The following GRK5 variants were observed in gnomAD, a reference collection of about 807,000 sequenced individuals.
GRK5 encodes the protein G protein-coupled receptor kinase 5, also known as g protein-coupled receptor kinase GRK5.
Under a neutral mutation model 78.4 loss-of-function variants are expected in GRK5, and 40 were observed. That is an observed-to-expected ratio of 0.51 (90% CI 0.40 to 0.66). GRK5 has a LOEUF of 0.66. Ranked by LOEUF, GRK5 falls within the 30% of genes least tolerant of loss-of-function variation. GRK5 has a pLI of 0.00. For synonymous variants in GRK5, 289 were observed against 296.8 expected (o/e 0.97, Z 0.27); for missense variants, 598 against 759.9 (o/e 0.79, Z 2.50).
At chr10:119,345,832 CTT>C (rs60190959) in intron 2 of GRK5, among the ~76,000 whole-genome samples, 68 of 145,736 alleles carry the variant, frequency 4.7e-4, no homozygotes, top group East Asian at 8.0e-4. Flanking sequence ...AGCTGTTTGA[CTT>C]TTTTTTTTTT....
chr10:119,261,318 G>A lies in GRK5; in HGVS notation c.52+53349G>A, dbSNP rs553009979. ...CCAGACAGGGCGGCGGGGCAGAGAC[G>A]CTCCTCACTTCCTAGATGGGATGGC... On this transcript the variant is annotated intron_variant, in intron 1 of 15. Transcript: ENST00000392870. Among the ~76,000 whole-genome samples, 375 of 148,712 alleles carry A rather than the reference G, an allele frequency of 2.5e-3. 1 individual carries two copies. Among genetic ancestry groups the A allele is most frequent in the Middle Eastern group, 0.011 (3 of 284 alleles).
chr10:119,325,718 G>A (rs1318407468), intron 1 of GRK5, among the ~76,000 whole-genome samples: 2 of 152,184 alleles, frequency 1.3e-5, no homozygotes, highest in Non-Finnish European at 2.9e-5. Flanking sequence ...TCACCCCATC[G>A]CTGTTTGCGC....
chr10:119,433,537 T>A (rs764926186), intron 8 of GRK5, among the ~76,000 whole-genome samples: 1 of 152,116 alleles, frequency 6.6e-6, no homozygotes, highest in African/African-American at 2.4e-5. Flanking sequence ...CCTGGGCAGA[T>A]GTGGGAGAAA....
chr10:119,224,478 G>A (rs998874369), intron 1 of GRK5, among the ~76,000 whole-genome samples: 7 of 151,916 alleles, frequency 4.6e-5, no homozygotes, highest in Non-Finnish European at 7.4e-5. Context: ...GCACGATCTC[G>A]GCTCACTGCA....
chr10:119,426,397 C>T (rs1852677354), intron 6 of GRK5, among the ~76,000 whole-genome samples: 1 of 152,090 alleles, frequency 6.6e-6, no homozygotes, highest in African/African-American at 2.4e-5. Context: ...AAGGATTGGC[C>T]TAGACATCTA....
Position 119,234,356 on chromosome 10 carries a change from A to G in GRK5, c.52+26387A>G, listed in dbSNP as rs561531181. 2.0e-5 allele frequency among the ~76,000 whole-genome samples: 3 copies of G among 152,356 alleles called. No individual in the cohort carries two copies. The South Asian group carries it at 6.2e-4, about 32-fold the overall frequency. ...GTTGACAAAAAATATTACTAAAAGT[A>G]GTTCATTCTTACTCTACATGTCTTA... On this transcript the variant is annotated intron_variant, in intron 1 of 15. Coordinates refer to ENST00000392870, the MANE Select transcript of GRK5 (RefSeq NM_005308.3).
At chr10:119,270,511 T>C (rs1342374307) in intron 1 of GRK5, among the ~76,000 whole-genome samples, 1 of 152,226 alleles carries the variant, frequency 6.6e-6, no homozygotes, top group Non-Finnish European at 1.5e-5. Flanking sequence ...TACTACACCA[T>C]TTTATATCAG....
At chr10:119,370,659 C>T (rs930311555) in intron 2 of GRK5, among the ~76,000 whole-genome samples, 6 of 152,156 alleles carry the variant, frequency 3.9e-5, no homozygotes, top group African/African-American at 9.7e-5. Flanking sequence ...GCTTTTTCCT[C>T]GGAGCAAACG....
rs1852159033 is a variant in GRK5, at chr10:119,401,957, C to G, written c.339+5185C>G. On this transcript the variant is annotated intron_variant, in intron 4 of 15. Transcript: ENST00000392870. ...TCATCTGGTTAGGTCATCAGCTCTT[C>G]TGGGTCCTCCCTGGGTGACTCAGGG... Among the ~76,000 whole-genome samples the G allele has an allele frequency of 2.0e-5, 3 of 152,346 alleles. No homozygotes were observed. In the East Asian group the frequency reaches 5.8e-4, roughly 29 times the overall value.
At chr10:119,438,344 C>T (rs1046392521) in intron 9 of GRK5, among the ~76,000 whole-genome samples, 3 of 152,160 alleles carry the variant, frequency 2.0e-5, no homozygotes, top group Non-Finnish European at 2.9e-5. Context: ...CTTCAAACTG[C>T]GGACAGGAGG....
intron 1 of GRK5, among the ~76,000 whole-genome samples, chr10:119,256,615 C>T (rs1849290778): frequency 6.7e-6 from 1 of 149,064 alleles, no homozygotes; most frequent in Non-Finnish European, 1.5e-5. Flanking sequence ...CCCCACCCTT[C>T]ACCCCTATTG....
chr10:119,315,595 G>A (rs928593114), intron 1 of GRK5, among the ~76,000 whole-genome samples: 1 of 152,204 alleles, frequency 6.6e-6, no homozygotes, highest in Non-Finnish European at 1.5e-5. Flanking sequence ...GCCTCCCCAC[G>A]GTGATATTTT....
chr10:119,444,672 G>A (rs551709956), intron 12 of GRK5, among the ~76,000 whole-genome samples: 1 of 152,236 alleles, frequency 6.6e-6, no homozygotes, highest in African/African-American at 2.4e-5. Context: ...CTCCACAATT[G>A]CCAGCCCACA....
chr10:119,376,905 G>A (rs1323834813), intron 2 of GRK5, among the ~76,000 whole-genome samples: 1 of 152,158 alleles, frequency 6.6e-6, no homozygotes, highest in Non-Finnish European at 1.5e-5. Context: ...GCCTCTTTCT[G>A]GCTTGGAGGA....
At chr10:119,287,993 C>T (rs1449505538) in intron 1 of GRK5, among the ~76,000 whole-genome samples, 1 of 152,212 alleles carries the variant, frequency 6.6e-6, no homozygotes, top group Admixed American at 6.5e-5. Flanking sequence ...GCTTTTAGTT[C>T]CCCCTCTCTG....
At position 119,440,156 on chromosome 10, in the gene GRK5, G is replaced by A. The variant is rs76250393; in HGVS notation, c.967+388G>A. 7.5e-3 allele frequency among the ~76,000 whole-genome samples: 1,144 copies of A among 152,196 alleles called. 11 individuals carry two copies. The highest frequency in any genetic ancestry group is 0.026 in the African/African-American group (1,073 of 41,526). ...CTTGTTTGTAAAATGGAAACAAAGC[G>A]TCCTGCCCTGCCCTGCCCACCCAGA... is the stretch of plus-strand genomic sequence containing the variant. On this transcript the variant is annotated intron_variant, in intron 10 of 15. Transcript: ENST00000392870.
intron 6 of GRK5, among the ~76,000 whole-genome samples, chr10:119,425,854 G>A (rs754088597): frequency 3.3e-5 from 5 of 152,274 alleles, no homozygotes; most frequent in Non-Finnish European, 7.3e-5. Flanking sequence ...TGTGACAGAT[G>A]AGGAAGCAGA....
chr10:119,390,925 C>T (rs1045548290), intron 3 of GRK5, among the ~76,000 whole-genome samples: 6 of 152,056 alleles, frequency 3.9e-5, no homozygotes, highest in Admixed American at 3.3e-4. Flanking sequence ...CTGAGATGGG[C>T]GAGCCTGTCC....
Position 119,233,523 on chromosome 10 carries a change from A to G in GRK5, c.52+25554A>G, listed in dbSNP as rs753451881. Among the ~76,000 whole-genome samples the G allele has an allele frequency of 7.2e-5, 11 of 152,068 alleles. No individual in the cohort carries two copies. The South Asian group carries it at 1.0e-3, about 14-fold the overall frequency. ...GAATCAAAGGCTGATGGGGTGGGGG[A>G]GAGAGAGAGAGTCCTCATTGCATTG... On this transcript the variant is annotated intron_variant, in intron 1 of 15. Transcript: ENST00000392870.
Sources: gnomAD v4.1 joint callset for allele counts (sites outside exome capture counted in the v4.1 genomes callset) on GRCh38, gnomAD v4.1.1 for gene constraint, MANE v1.5 for transcripts, NCBI Gene and HGNC (gene_info 2026-07-23, HGNC 2026-07-21) for gene names.